Variants in KLF13 observed in about 807,000 individuals in gnomAD.
KLF13 encodes Krueppel-like factor 13.
KLF13 carries 8 observed loss-of-function variants against 16.7 expected under a neutral mutation model. That is an observed-to-expected ratio of 0.48 (90% CI 0.28 to 0.87). The LOEUF is 0.87. KLF13 is among the 40% of genes least tolerant of loss of function. The pLI is 0.10. For synonymous variants in KLF13, 245 were observed against 208.4 expected (o/e 1.18, Z -1.51); for missense variants, 447 against 452.2 (o/e 0.99, Z 0.10).
At chr15:31,379,207 C>A (rs765289627), downstream of KLF13, among the ~76,000 whole-genome samples, 2 of 152,276 alleles carry the variant, frequency 1.3e-5, no homozygotes, top group South Asian at 2.1e-4. Flanking sequence ...AATGAATGCA[C>A]CCAGGCACAT....
At chr15:31,428,395 C>T (rs1406427061) in intron 1 of KLF13, among the ~76,000 whole-genome samples, 1 of 152,208 alleles carries the variant, frequency 6.6e-6, no homozygotes, top group Non-Finnish European at 1.5e-5. Flanking sequence ...TTGCAAGGCT[C>T]AGTATCCTAA....
At chr15:31,388,522 G>T (rs1288439560), upstream of KLF13, among the ~76,000 whole-genome samples, 1 of 151,298 alleles carries the variant, frequency 6.6e-6, no homozygotes, top group Non-Finnish European at 1.5e-5. Flanking sequence ...GGAGGCTGAG[G>T]CAGGAGAATC....
chr15:31,431,862 G>A (rs977812862), intron 1 of KLF13, among the ~76,000 whole-genome samples: 2 of 152,144 alleles, frequency 1.3e-5, no homozygotes, highest in Middle Eastern at 3.2e-3. Context: ...GAAGACTTGC[G>A]GATGCGACCT....
chr15:31,392,630 G>A (rs1259968608), upstream of KLF13, among the ~76,000 whole-genome samples: 3 of 152,232 alleles, frequency 2.0e-5, no homozygotes, highest in Non-Finnish European at 2.9e-5. Context: ...TGTCCTGGGG[G>A]TCCGCCCTAG....
downstream of KLF13, among the ~76,000 whole-genome samples, chr15:31,378,394 C>T (rs960571173): frequency 1.2e-4 from 19 of 152,146 alleles, no homozygotes; most frequent in African/African-American, 1.2e-4. Flanking sequence ...TGTGCTCCAG[C>T]GAGGACGAGT....
chr15:31,347,781 C>T (rs2140944867), intron 1 of KLF13, among the ~76,000 whole-genome samples: 1 of 152,380 alleles, frequency 6.6e-6, no homozygotes, highest in African/African-American at 2.4e-5. Context: ...CTTCCACCCC[C>T]TCCAGCCTCT....
At chr15:31,393,170 C>G (rs1479545702) in exon 1 of KLF13, 1 of 152,470 alleles carries the variant, frequency 6.6e-6, no homozygotes, top group Non-Finnish European at 1.5e-5. Context: ...ACCTGCGTCT[C>G]TCCCAGAACT....
chr15:31,428,706 G>C (rs1393274099), intron 1 of KLF13, among the ~76,000 whole-genome samples: 1 of 147,948 alleles, frequency 6.8e-6, no homozygotes, highest in Non-Finnish European at 1.5e-5. Context: ...TACTCGGGAG[G>C]CTGAGGCAGG....
upstream of KLF13, among the ~76,000 whole-genome samples, chr15:31,389,491 A>C (rs2039833616): frequency 6.6e-6 from 1 of 152,092 alleles, no homozygotes. Context: ...TACCCTCTGC[A>C]CCTTCTCCCT....
At chr15:31,336,108 A>G (rs1345738661) in intron 1 of KLF13, among the ~76,000 whole-genome samples, 2 of 152,242 alleles carry the variant, frequency 1.3e-5, no homozygotes, top group African/African-American at 4.8e-5. Flanking sequence ...CTGGACACAC[A>G]TGGGAGGTGA....
intron 1 of KLF13, among the ~76,000 whole-genome samples, chr15:31,431,707 T>G (rs1270294797): frequency 6.6e-6 from 1 of 152,088 alleles, no homozygotes; most frequent in Non-Finnish European, 1.5e-5. Flanking sequence ...CTTGTGATCC[T>G]CCCGCCTCGG....
chr15:31,389,315 C>G (rs867181729), upstream of KLF13, among the ~76,000 whole-genome samples: 1 of 152,158 alleles, frequency 6.6e-6, no homozygotes, highest in Non-Finnish European at 1.5e-5. Flanking sequence ...TGTTAATTAT[C>G]TGTTCATGTG....
intron 1 of KLF13, among the ~76,000 whole-genome samples, chr15:31,434,019 G>A (rs1013140155): frequency 6.6e-5 from 10 of 152,120 alleles, no homozygotes; most frequent in Admixed American, 2.0e-4. Flanking sequence ...TTAGAACTAA[G>A]AGAAGATGGA....
chr15:31,330,279 T>C (rs2038803642), intron 1 of KLF13, among the ~76,000 whole-genome samples: 1 of 152,196 alleles, frequency 6.6e-6, no homozygotes, highest in South Asian at 2.1e-4. Flanking sequence ...TTGTGGGGTC[T>C]CTGCAGTCAG....
At chr15:31,415,698 TA>T (rs1423278531) in intron 1 of KLF13, among the ~76,000 whole-genome samples, 2 of 152,038 alleles carry the variant, frequency 1.3e-5, no homozygotes, top group Non-Finnish European at 2.9e-5. Flanking sequence ...AAAAAGATCT[TA>T]AATCAATACT....
chr15:31,396,174 C>T (rs764822304), intron 2 of KLF13, among the ~76,000 whole-genome samples: 41 of 152,044 alleles, frequency 2.7e-4, no homozygotes, highest in African/African-American at 6.3e-4. Context: ...TACAGGCATG[C>T]GCTACCACGC....
At chr15:31,408,924 G>A (rs115353029), downstream of KLF13, among the ~76,000 whole-genome samples, 224 of 152,282 alleles carry the variant, frequency 1.5e-3, 1 homozygote, top group African/African-American at 5.0e-3. Context: ...TAGACACAGT[G>A]AAGATAAGAA....
chr15:31,356,686 C>T (rs1378830313), intron 1 of KLF13, among the ~76,000 whole-genome samples: 1 of 152,236 alleles, frequency 6.6e-6, no homozygotes, highest in Non-Finnish European at 1.5e-5. Flanking sequence ...ATTCACGTTT[C>T]TCTGGGTTGA....
At chr15:31,354,880 A>G (rs1177576645) in intron 1 of KLF13, among the ~76,000 whole-genome samples, 3 of 152,292 alleles carry the variant, frequency 2.0e-5, no homozygotes, top group East Asian at 3.9e-4. Flanking sequence ...AGTGCCTTAC[A>G]TCTTCAAATG....
Sources: gnomAD v4.1 joint callset for allele counts (sites outside exome capture counted in the v4.1 genomes callset) on GRCh38, gnomAD v4.1.1 for gene constraint, MANE v1.5 for transcripts, NCBI Gene and HGNC (gene_info 2026-07-23, HGNC 2026-07-21) for gene names.